Variants in PTPRN2 observed in about 807,000 individuals in gnomAD.
The protein encoded by PTPRN2 is receptor-type tyrosine-protein phosphatase N2.
Under a neutral mutation model 118.8 loss-of-function variants are expected in PTPRN2, and 74 were observed. The observed-to-expected ratio is 0.62, with a 90% CI of 0.52 to 0.76. PTPRN2 has a LOEUF of 0.76. PTPRN2 is among the 30% of genes least tolerant of loss of function. The pLI is 0.00. For missense variants in PTPRN2, 1,481 were observed against 1,394.4 expected (o/e 1.06, Z -0.99); for synonymous variants, 641 against 608.0 (o/e 1.05, Z -0.80).
chr7:158,511,147 A>G (rs1823152353), intron 1 of PTPRN2, among the ~76,000 whole-genome samples: 2 of 152,194 alleles, frequency 1.3e-5, no homozygotes, highest in East Asian at 3.9e-4. Context: ...CTGAGATAAG[A>G]TGGCAGTGAA....
At chr7:157,772,214 CAT>C (rs978791893) in intron 12 of PTPRN2, among the ~76,000 whole-genome samples, 6 of 151,496 alleles carry the variant, frequency 4.0e-5, no homozygotes, top group African/African-American at 7.3e-5. Context: ...CAGAGACACA[CAT>C]AGACACAGAC....
chr7:157,839,778 C>G (rs1199154489), intron 12 of PTPRN2, among the ~76,000 whole-genome samples: 1 of 149,038 alleles, frequency 6.7e-6, no homozygotes, highest in Non-Finnish European at 1.5e-5. Context: ...ACTATGTAAC[C>G]ATGTGTGGCT....
intron 2 of PTPRN2, among the ~76,000 whole-genome samples, chr7:158,371,897 A>T (rs1276604734): frequency 6.6e-6 from 1 of 152,216 alleles, no homozygotes; most frequent in African/African-American, 2.4e-5. Context: ...CCATGGATGT[A>T]ATTTTCTAAA....
At chr7:158,033,799 C>T (rs1247113654) in intron 11 of PTPRN2, among the ~76,000 whole-genome samples, 1 of 149,612 alleles carries the variant, frequency 6.7e-6, no homozygotes, top group East Asian at 2.0e-4. Context: ...GTGTGTGTGG[C>T]TGACTGCACG....
At chr7:158,072,935 C>T (rs1479927855) in intron 11 of PTPRN2, among the ~76,000 whole-genome samples, 1 of 152,166 alleles carries the variant, frequency 6.6e-6, no homozygotes, top group Non-Finnish European at 1.5e-5. Flanking sequence ...TCCCAAGGGG[C>T]CCATAGGTAT....
chr7:158,298,602 G>C (rs750970729), intron 3 of PTPRN2, among the ~76,000 whole-genome samples: 1 of 152,170 alleles, frequency 6.6e-6, no homozygotes, highest in Non-Finnish European at 1.5e-5. Flanking sequence ...AAGAGCTTGC[G>C]GGGGAGGCCA....
rs113202487 is a variant in PTPRN2, at chr7:158,133,637, T to TC, written c.1556+39dup. 1.8e-3 allele frequency: 2,664 copies of TC among 1,520,410 alleles called. 49 individuals carry two copies. In the African/African-American group the frequency reaches 0.031, roughly 18 times the overall value. 94.2% of individuals were successfully genotyped at this position (1,520,410 alleles called of 1,614,324 possible). On this transcript the variant is annotated intron_variant, in intron 9 of 22. Coordinates refer to ENST00000389418, the MANE Select transcript of PTPRN2 (RefSeq NM_002847.5). ...ACCTCCAGCCTGCTGGGACAAGCCCTCCCTCGGCACACAGGAGCTTAGCCA... is the reference window on the plus strand; with the variant it reads ...ACCTCCAGCCTGCTGGGACAAGCCCTCCCCTCGGCACACAGGAGCTTAGCCA...
At position 158,200,600 on chromosome 7, in the gene PTPRN2, A is replaced by C. The variant is rs1049602071; in HGVS notation, c.380+4571T>G. ...TTATAAAAGTCTGTATCCTGCAAAT[A>C]GTTATACAAATATATTTTTGAAGCG... On this transcript the variant is annotated intron_variant, in intron 4 of 22. Transcript: ENST00000389418. Among the ~76,000 whole-genome samples the C allele has an allele frequency of 1.4e-4, 21 of 152,376 alleles. No homozygotes were observed. The South Asian group carries it at 1.7e-3, about 12-fold the overall frequency.
intron 17 of PTPRN2, among the ~76,000 whole-genome samples, chr7:157,582,102 G>A (rs575658668): frequency 3.9e-5 from 6 of 152,252 alleles, no homozygotes; most frequent in South Asian, 4.1e-4. Flanking sequence ...TTAAAACAAC[G>A]AGTTTGCAGC....
intron 2 of PTPRN2, among the ~76,000 whole-genome samples, chr7:158,367,108 T>G (rs1809597614): frequency 6.6e-6 from 1 of 152,176 alleles, no homozygotes; most frequent in Admixed American, 6.5e-5. Flanking sequence ...TCAGGACTCG[T>G]GCCCCAGGCT....
intron 1 of PTPRN2, among the ~76,000 whole-genome samples, chr7:158,506,434 T>C (rs985986660): frequency 1.3e-5 from 2 of 152,108 alleles, no homozygotes; most frequent in East Asian, 1.9e-4. Context: ...GTGGTGGCAA[T>C]TGTGCAGAGC....
At position 158,563,763 on chromosome 7, in the gene PTPRN2, C is replaced by T. The variant is rs570947470; in HGVS notation, c.112+23795G>A. Among the ~76,000 whole-genome samples the T allele has an allele frequency of 6.6e-6, 1 of 152,386 alleles. No individual in the cohort carries two copies. The highest frequency in any genetic ancestry group is 2.1e-4 in the South Asian group (1 of 4,830). Reference sequence around the variant, plus strand: ...AGGGGCACAGTCTCCCTCCCTTCCCCTTATCCCTCAGATTGTGAAGAAACA... The same window carrying T: ...AGGGGCACAGTCTCCCTCCCTTCCCTTTATCCCTCAGATTGTGAAGAAACA... On this transcript the variant is annotated intron_variant, in intron 1 of 22. Transcript: ENST00000389418. The surrounding 1 kb of genome is among the most constrained non-coding windows in gnomAD (Gnocchi z 5.1).
At chr7:157,923,994 T>C (rs2128772011) in intron 11 of PTPRN2, among the ~76,000 whole-genome samples, 1 of 152,260 alleles carries the variant, frequency 6.6e-6, no homozygotes, top group South Asian at 2.1e-4. Flanking sequence ...TGTGTTCCAT[T>C]CTGGATACCG....
Position 157,603,851 on chromosome 7 carries a change from G to T in PTPRN2, c.2418+151C>A. 1 of 713,556 alleles carries T rather than the reference G, an allele frequency of 1.4e-6. No homozygotes were observed. The highest frequency in any genetic ancestry group is 2.7e-5 in the East Asian group (1 of 36,790). The allele number at this position is 713,556 out of a possible 1,614,324, so 44.2% of individuals were successfully genotyped here. ...GCTGGTGAAGGAACAGGGGAGTGGCGGGAGCCCAATGGGCAGAGTCGGCCC... is the reference window on the plus strand; with the variant it reads ...GCTGGTGAAGGAACAGGGGAGTGGCTGGAGCCCAATGGGCAGAGTCGGCCC... On this transcript the variant is annotated intron_variant, in intron 16 of 22. Transcript: ENST00000389418. The surrounding 1 kb of genome is among the most constrained non-coding windows in gnomAD (Gnocchi z 5.4).
chr7:158,352,050 C>T (rs867306806), intron 2 of PTPRN2, among the ~76,000 whole-genome samples: 27 of 25,696 alleles, frequency 1.1e-3, no homozygotes, highest in Non-Finnish European at 1.3e-3. Flanking sequence ...CCCTCCTGAC[C>T]GCTCCCCTCC....
chr7:157,829,894 G>T (rs527658294), intron 12 of PTPRN2, among the ~76,000 whole-genome samples: 1 of 152,334 alleles, frequency 6.6e-6, no homozygotes, highest in East Asian at 1.9e-4. Context: ...CTGCCCCATG[G>T]CAGCTGCCTG....
rs535828958 is a variant in PTPRN2 at position 158,553,311 on chromosome 7, T to C, written c.112+34247A>G. On this transcript the variant is annotated intron_variant, in intron 1 of 22. Transcript: ENST00000389418. The stretch of plus-strand genomic sequence containing the variant: ...AAGCACACAAAGGCTTGGGAGTCTA[T>C]ACCACACTCCCTGTCTACACCTGTA... 6.1e-5 allele frequency among the ~76,000 whole-genome samples: 9 copies of C among 148,314 alleles called. No individual in the cohort carries two copies. In the South Asian group the frequency reaches 1.5e-3, roughly 25 times the overall value.
chr7:157,800,352 A>T (rs933861685), intron 12 of PTPRN2, among the ~76,000 whole-genome samples: 29 of 152,208 alleles, frequency 1.9e-4, no homozygotes, highest in African/African-American at 6.5e-4. Context: ...ACTAGAAATT[A>T]CCCGGTCACT....
intron 12 of PTPRN2, among the ~76,000 whole-genome samples, chr7:157,840,986 G>A (rs1808381244): frequency 1.3e-5 from 2 of 152,372 alleles, no homozygotes; most frequent in South Asian, 4.1e-4. Flanking sequence ...CGTCCAGTCT[G>A]CAGGGCAACC....
Sources: gnomAD v4.1 joint callset for allele counts (sites outside exome capture counted in the v4.1 genomes callset) on GRCh38, gnomAD v4.1.1 for gene constraint, Gnocchi (gnomAD v3.1) non-coding constraint, MANE v1.5 for transcripts, NCBI Gene and HGNC (gene_info 2026-07-23, HGNC 2026-07-21) for gene names.